Variants in DOCK11 observed in about 807,000 individuals in gnomAD.
DOCK11 encodes the protein dedicator of cytokinesis protein 11.
In DOCK11, 70 loss-of-function variants were observed where a neutral mutation model predicts 169.1. The ratio of observed to expected loss-of-function variants is 0.41; its 90% CI spans 0.34 to 0.51. The LOEUF (loss-of-function observed/expected upper bound fraction) is 0.51. Ranked by LOEUF, DOCK11 falls within the 20% of genes least tolerant of loss-of-function variation. The probability of loss-of-function intolerance (pLI) is 0.10; values close to 1 mark genes in which losing one functional copy is unlikely to be tolerated. For missense variants in DOCK11, 1,166 were observed against 1,538.8 expected, an observed-to-expected ratio of 0.76 and a Z score of 4.05; for synonymous variants, 529 against 541.3, an observed-to-expected ratio of 0.98 and a Z score of 0.32.
chrX:118,524,343 A>G (rs2011325378), intron 1 of DOCK11, among the ~76,000 whole-genome samples: 1 of 111,589 alleles, frequency 9.0e-6, no homozygotes, highest in Non-Finnish European at 1.9e-5. Flanking sequence ...TAAAAATTCA[A>G]CCCATACCTT....
chrX:118,513,188 T>A (rs1329427377), intron 1 of DOCK11, among the ~76,000 whole-genome samples: 2 of 112,015 alleles, frequency 1.8e-5, no homozygotes, highest in African/African-American at 6.5e-5. Flanking sequence ...CTTCTTTCTC[T>A]CTCCTCTGTT....
At chrX:118,642,433 C>T (rs1453547155) in intron 39 of DOCK11, among the ~76,000 whole-genome samples, 3 of 112,015 alleles carry the variant, frequency 2.7e-5, no homozygotes, top group African/African-American at 9.7e-5. Context: ...TAATTGTATA[C>T]CTGAAACTGG....
chrX:118,675,076 C>T (rs1013732815), intron 46 of DOCK11, among the ~76,000 whole-genome samples: 2 of 111,775 alleles, frequency 1.8e-5, no homozygotes, highest in African/African-American at 6.5e-5. Context: ...GTACTAAACC[C>T]TTATCAGATC....
At chrX:118,496,196 G>GT in intron 1 of DOCK11, 123 bp downstream of exon 1, 1 of 468,387 alleles carries the variant, frequency 2.1e-6, no homozygotes, top group Non-Finnish European at 2.9e-6. Context: ...CTCCGCTCCA[G>GT]TAAGTTTTCG....
At chrX:118,638,168 T>C in intron 37 of DOCK11, 41 bp downstream of exon 37, 6 of 1,157,265 alleles carry the variant, frequency 5.2e-6, no homozygotes, top group Non-Finnish European at 7.1e-6. Flanking sequence ...TTTCCTTCTC[T>C]TCCAACAGAG....
intron 46 of DOCK11, among the ~76,000 whole-genome samples, chrX:118,672,752 A>G (rs2016516658): frequency 8.9e-6 from 1 of 112,986 alleles, no homozygotes; most frequent in Non-Finnish European, 1.9e-5. Context: ...GTATTCTTAA[A>G]TAAAGCAGTT....
chrX:118,509,733 A>G (rs1175094570), intron 1 of DOCK11, among the ~76,000 whole-genome samples: 3 of 112,583 alleles, frequency 2.7e-5, no homozygotes, highest in Non-Finnish European at 5.6e-5. Context: ...GATGTGTTCC[A>G]GTTCTAGAGA....
intron 34 of DOCK11, among the ~76,000 whole-genome samples, chrX:118,630,157 C>G (rs1272344502): frequency 9.0e-6 from 1 of 111,682 alleles, no homozygotes; most frequent in Non-Finnish European, 1.9e-5. Flanking sequence ...ACACAGTATT[C>G]ATGGCTATAT....
chrX:118,656,609 C>T (rs761190801), intron 44 of DOCK11, among the ~76,000 whole-genome samples: 60 of 112,011 alleles, frequency 5.4e-4, no homozygotes, highest in African/African-American at 1.5e-3. Flanking sequence ...GAACCTTAAA[C>T]GGAGTACCGT....
chrX:118,498,794 C>T (rs1260913386), intron 1 of DOCK11, among the ~76,000 whole-genome samples: 1 of 110,586 alleles, frequency 9.0e-6, no homozygotes, highest in Non-Finnish European at 1.9e-5. Flanking sequence ...TGGAATTACA[C>T]CCTTGTTGGC....
chrX:118,564,519 T>C (rs1386069489), intron 7 of DOCK11, among the ~76,000 whole-genome samples: 1 of 112,090 alleles, frequency 8.9e-6, no homozygotes, highest in African/African-American at 3.2e-5. Context: ...GGAGACTTAT[T>C]TTCCTTGTGT....
chrX:118,623,217 CA>C (rs1332479505), intron 31 of DOCK11, among the ~76,000 whole-genome samples: 20 of 101,444 alleles, frequency 2.0e-4, no homozygotes, highest in Admixed American at 7.3e-4. Context: ...GACTCAGTCT[CA>C]AAAAAAAAAG....
chrX:118,645,646 G>A (rs1240203209), intron 40 of DOCK11, among the ~76,000 whole-genome samples: 2 of 106,916 alleles, frequency 1.9e-5, no homozygotes, highest in Non-Finnish European at 3.9e-5. Flanking sequence ...TGGGTGACAG[G>A]GCAAGATTTC....
chrX:118,602,836 C>T (rs932548789), intron 23 of DOCK11, among the ~76,000 whole-genome samples: 2 of 112,149 alleles, frequency 1.8e-5, no homozygotes, highest in East Asian at 2.8e-4. Flanking sequence ...CTGCCGCGCC[C>T]GGCCTACTTT....
At position 118,614,568 on chromosome X, in the gene DOCK11, A is replaced by G. The variant is rs765071675; in HGVS notation, c.3097-124A>G. 9.3e-5 allele frequency: 48 copies of G among 517,708 alleles called. No individual in the cohort carries two copies. In the African/African-American group the frequency reaches 1.1e-3, roughly 12 times the overall value. 42.7% of individuals were successfully genotyped at this position (517,708 alleles called of 1,213,427 possible). The stretch of plus-strand genomic sequence containing the variant: ...TCACCTGAAGCTCAGAAAGTTATCT[A>G]TAAAAATAAAAATGTCTTTCTTTTT... On this transcript the variant is annotated intron_variant, in intron 28 of 52. Transcript: ENST00000276202.
At chrX:118,577,957 G>A (rs1458651397) in intron 12 of DOCK11, among the ~76,000 whole-genome samples, 1 of 111,602 alleles carries the variant, frequency 9.0e-6, no homozygotes, top group Non-Finnish European at 1.9e-5. Context: ...TGCATTCAAA[G>A]AAAAATGTAA....
At chrX:118,621,358 C>T (rs868324198) in intron 31 of DOCK11, among the ~76,000 whole-genome samples, 64 of 111,939 alleles carry the variant, frequency 5.7e-4, no homozygotes, top group African/African-American at 1.8e-3. Flanking sequence ...CAAATACATC[C>T]AAGTAGAGCA....
chrX:118,559,256 G>A (rs186573832), intron 6 of DOCK11, among the ~76,000 whole-genome samples: 45 of 111,875 alleles, frequency 4.0e-4, no homozygotes, highest in African/African-American at 1.4e-3. Flanking sequence ...TTGACTGTAT[G>A]CCACAAATGT....
intron 39 of DOCK11, among the ~76,000 whole-genome samples, chrX:118,642,106 A>G (rs751299003): frequency 2.7e-5 from 3 of 112,088 alleles, no homozygotes; most frequent in Non-Finnish European, 5.6e-5. Flanking sequence ...TTTATGAAGT[A>G]TTAGGTTTGT....
Sources: allele counts gnomAD v4.1 joint callset (sites outside exome capture counted in the v4.1 genomes callset), GRCh38; gene constraint gnomAD v4.1.1; transcripts MANE v1.5; gene names NCBI Gene and HGNC (gene_info 2026-07-23, HGNC 2026-07-21).